Variants in PTPRD observed in about 807,000 individuals in gnomAD.
The protein encoded by PTPRD is receptor-type tyrosine-protein phosphatase delta.
A neutral mutation model predicts 214.5 loss-of-function variants in PTPRD; 34 were observed. The observed-to-expected ratio is 0.16, with a 90% CI of 0.12 to 0.21. The LOEUF (loss-of-function observed/expected upper bound fraction) is 0.21, where lower values mean the gene tolerates loss of function less well. Among genes scored for constraint, PTPRD ranks in the 10% least tolerant of loss-of-function variants. The pLI, the probability that PTPRD is intolerant of heterozygous loss-of-function variation, is 1.00. For missense variants in PTPRD, 2,545 were observed against 2,398.7 expected, an observed-to-expected ratio of 1.06 and a Z score of -1.27; for synonymous variants, 1,128 against 845.7, an observed-to-expected ratio of 1.33 and a Z score of -5.79.
chr9:9,905,954 T>A (rs185392764), intron 5 of PTPRD, among the ~76,000 whole-genome samples: 2 of 151,958 alleles, frequency 1.3e-5, no homozygotes, highest in African/African-American at 4.8e-5. Flanking sequence ...AATACGGTGG[T>A]TTTAGTTGTC....
chr9:9,997,293 T>TA (rs1302064769), intron 4 of PTPRD, among the ~76,000 whole-genome samples: 2 of 151,588 alleles, frequency 1.3e-5, no homozygotes, highest in African/African-American at 2.4e-5. Context: ...CAATTTTTTT[T>TA]TTTTTTTTTG....
chr9:8,948,118 C>T (rs1051322007), intron 11 of PTPRD, among the ~76,000 whole-genome samples: 50 of 149,694 alleles, frequency 3.3e-4, no homozygotes, highest in African/African-American at 6.7e-4. Context: ...CTCCTGGGTT[C>T]GAGCGATTCT....
intron 2 of PTPRD, among the ~76,000 whole-genome samples, chr9:10,611,911 C>CT (rs1051936940): frequency 2.0e-5 from 3 of 150,522 alleles, no homozygotes; most frequent in Non-Finnish European, 4.4e-5. Flanking sequence ...TTCCGCCCCC[C>CT]CCCCCTTTTT....
chr9:8,915,936 C>A (rs1189385170), intron 11 of PTPRD, among the ~76,000 whole-genome samples: 1 of 152,154 alleles, frequency 6.6e-6, no homozygotes, highest in African/African-American at 2.4e-5. Context: ...CATAATTAAT[C>A]ATCACTTTGG....
intron 3 of PTPRD, among the ~76,000 whole-genome samples, chr9:10,330,936 G>A (rs1305899844): frequency 6.6e-6 from 1 of 151,796 alleles, no homozygotes; most frequent in Non-Finnish European, 1.5e-5. Flanking sequence ...TGGTGGTGGT[G>A]AGAAACATAC....
intron 5 of PTPRD, among the ~76,000 whole-genome samples, chr9:9,798,113 T>C (rs374679681): frequency 7.2e-5 from 11 of 152,202 alleles, no homozygotes; most frequent in African/African-American, 1.4e-4. Context: ...CCAAGTGATA[T>C]TGGGGGCCCA....
At chr9:9,785,020 A>G (rs1001319647) in intron 5 of PTPRD, among the ~76,000 whole-genome samples, 5 of 148,216 alleles carry the variant, frequency 3.4e-5, no homozygotes, top group African/African-American at 9.9e-5. Context: ...CATGTTTTGG[A>G]AAAAAAAAAC....
chr9:8,962,537 A>AG (rs2099164185), intron 11 of PTPRD, among the ~76,000 whole-genome samples: 3 of 114,498 alleles, frequency 2.6e-5, no homozygotes, highest in East Asian at 3.1e-4. Flanking sequence ...AAGAAGAGAG[A>AG]AAGAGAGAGA....
chr9:10,263,107 G>C (rs999703946), intron 3 of PTPRD, among the ~76,000 whole-genome samples: 2 of 152,124 alleles, frequency 1.3e-5, no homozygotes, highest in African/African-American at 2.4e-5. Flanking sequence ...GGAACTGTGA[G>C]TCCATGAAAC....
rs752278591 is a variant in PTPRD, at chr9:10,047,691, G to T, written c.-544-13901C>A. Among the ~76,000 whole-genome samples the T allele has an allele frequency of 3.3e-5, 5 of 152,152 alleles. No homozygotes were observed. The South Asian group carries it at 1.0e-3, about 32-fold the overall frequency. ...TTCTTATGGTGCATCACTGCAATAG[G>T]AAAACACTGGGAAATTAAGTTTTAT... On this transcript the variant is annotated intron_variant, in intron 3 of 45. Coordinates refer to ENST00000381196, the MANE Select transcript of PTPRD (RefSeq NM_002839.4).
At position 8,948,519 on chromosome 9, in the gene PTPRD, T is replaced by TTATATATATATTTA. The variant is rs1567183992; in HGVS notation, c.-104+70164_-104+70177dup. 1.6e-3 allele frequency among the ~76,000 whole-genome samples: 21 copies of TTATATATATATTTA among 12,846 alleles called. 5 individuals are homozygous for TTATATATATATTTA. The highest frequency in any genetic ancestry group is 4.7e-3 in the East Asian group (2 of 424). The allele number at this position is 12,846 out of a possible 152,430, so 8.4% of individuals were successfully genotyped here. A position where few individuals can be genotyped will look rare whatever the true frequency, so the allele number is the denominator to read the frequency against. On this transcript the variant is annotated intron_variant, in intron 11 of 45. Coordinates refer to ENST00000381196, the MANE Select transcript of PTPRD (RefSeq NM_002839.4). ...TATATATATATTTATATATATATAT[T>TTATATATATATTTA]TATATATATATTTATATATATATTT...
intron 12 of PTPRD, among the ~76,000 whole-genome samples, chr9:8,699,177 T>C (rs1222541019): frequency 6.6e-6 from 1 of 152,230 alleles, no homozygotes; most frequent in African/African-American, 2.4e-5. Context: ...ATGAAGTGTA[T>C]AATGATTCCT....
At chr9:9,633,877 T>A (rs544486749) in intron 7 of PTPRD, among the ~76,000 whole-genome samples, 1 of 152,196 alleles carries the variant, frequency 6.6e-6, no homozygotes, top group East Asian at 1.9e-4. Context: ...TGTATATTCA[T>A]GCAGTATATC....
intron 7 of PTPRD, among the ~76,000 whole-genome samples, chr9:9,649,064 T>C (rs770374010): frequency 6.6e-6 from 1 of 152,086 alleles, no homozygotes; most frequent in Non-Finnish European, 1.5e-5. Context: ...GCCAGGGGAA[T>C]TGGGCGAGAG....
chr9:9,331,171 T>A (rs1193861037), intron 9 of PTPRD, among the ~76,000 whole-genome samples: 1 of 152,172 alleles, frequency 6.6e-6, no homozygotes, highest in East Asian at 1.9e-4. Flanking sequence ...TTAACATGCG[T>A]TCTGTTCTCT....
intron 4 of PTPRD, among the ~76,000 whole-genome samples, chr9:9,998,127 AAAATAT>A (rs2096202700): frequency 1.8e-5 from 1 of 55,190 alleles, no homozygotes; most frequent in Middle Eastern, 0.011. Context: ...AAAAAAAAAA[AAAATAT>A]ATATATATAT....
chr9:10,024,928 G>A (rs968264923), intron 4 of PTPRD, among the ~76,000 whole-genome samples: 9 of 151,612 alleles, frequency 5.9e-5, no homozygotes, highest in African/African-American at 2.2e-4. Context: ...GTGGTTTCCA[G>A]CTTCATCCAT....
intron 3 of PTPRD, among the ~76,000 whole-genome samples, chr9:10,098,494 A>T (rs1284905275): frequency 6.6e-6 from 1 of 151,704 alleles, no homozygotes; most frequent in African/African-American, 2.4e-5. Context: ...AAAGTATAAT[A>T]ATAATAAAAT....
At chr9:9,369,585 C>A (rs2058871093) in intron 9 of PTPRD, among the ~76,000 whole-genome samples, 1 of 152,040 alleles carries the variant, frequency 6.6e-6, no homozygotes, top group African/African-American at 2.4e-5. Context: ...ATGATAGTTT[C>A]TTTTGCTGTG....
Sources: allele counts gnomAD v4.1 joint callset (sites outside exome capture counted in the v4.1 genomes callset), GRCh38; gene constraint gnomAD v4.1.1; transcripts MANE v1.5; gene names NCBI Gene and HGNC (gene_info 2026-07-23, HGNC 2026-07-21).